NEDD9: variants seen among roughly 807,000 people sequenced by gnomAD.
NEDD9 encodes the protein enhancer of filamentation 1.
Under a neutral mutation model 76.6 loss-of-function variants are expected in NEDD9, and 26 were observed. That is an observed-to-expected ratio of 0.34 (90% CI 0.25 to 0.47). The LOEUF is 0.47. NEDD9 is among the 20% of genes least tolerant of loss of function. The pLI is 1.00. For synonymous variants in NEDD9, 392 were observed against 414.2 expected, an observed-to-expected ratio of 0.95 and a Z score of 0.65; for missense variants, 937 against 1,058.5, an observed-to-expected ratio of 0.89 and a Z score of 1.59.
intron 2 of NEDD9, among the ~76,000 whole-genome samples, chr6:11,330,262 T>C (rs2113497125): frequency 6.6e-6 from 1 of 152,294 alleles, no homozygotes; most frequent in Admixed American, 6.5e-5. Context: ...AGTTAGACAC[T>C]CCTTCTTTAG....
chr6:11,371,141 C>CA (rs1762867164), intron 1 of NEDD9, among the ~76,000 whole-genome samples: 2 of 152,134 alleles, frequency 1.3e-5, no homozygotes, highest in African/African-American at 4.8e-5. Context: ...TTTGGGTTCA[C>CA]AGCAAAATTG....
rs150622425 is a variant in NEDD9, at chr6:11,190,159, C to T, written c.1710G>A (p.Pro570=). 2.8e-5 allele frequency: 46 copies of T among 1,614,068 alleles called. No individual in the cohort carries two copies. Among genetic ancestry groups the T allele is most frequent in the African/African-American group, 5.3e-5 (4 of 74,926 alleles). Residue 570 remains proline (P), a synonymous_variant, in exon 5 of 7, where the codon CCG becomes CCA. Coordinates refer to ENST00000379446, the MANE Select transcript of NEDD9 (RefSeq NM_006403.4). The surrounding 1 kb of genome is among the most constrained non-coding windows in gnomAD (Gnocchi z 5.8). ...ACTCCGTTGAGTTCATGATGCTCTCCGGCCCATTCTTCAGATGCAAGCTGC... is the reference window on the plus strand; with the variant it reads ...ACTCCGTTGAGTTCATGATGCTCTCTGGCCCATTCTTCAGATGCAAGCTGC... The part of the protein sequence containing the change: ...GPGSLHLKNG[P]ESIMNSTEYP...
At chr6:11,201,140 C>T in intron 2 of NEDD9, 1 of 1,442,446 alleles carries the variant, frequency 6.9e-7, no homozygotes, top group Non-Finnish European at 9.7e-7. Flanking sequence ...CACTTCTTTC[C>T]TTGGGCATCC....
intron 1 of NEDD9, among the ~76,000 whole-genome samples, 171 bp downstream of exon 1, chr6:11,232,333 C>G (rs974639583): frequency 1.3e-5 from 2 of 150,352 alleles, no homozygotes; most frequent in African/African-American, 4.9e-5. Flanking sequence ...GTCTCAAAGA[C>G]CGGGTCTCTG....
At chr6:11,350,913 C>T (rs892306600) in intron 1 of NEDD9, among the ~76,000 whole-genome samples, 1 of 152,166 alleles carries the variant, frequency 6.6e-6, no homozygotes, top group Non-Finnish European at 1.5e-5. Context: ...AGTCTTTCCA[C>T]ACCTCCTTGT....
intron 3 of NEDD9, among the ~76,000 whole-genome samples, chr6:11,255,879 G>C (rs1004333138): frequency 1.3e-5 from 2 of 152,112 alleles, no homozygotes; most frequent in Non-Finnish European, 2.9e-5. Context: ...AAGGAAACTG[G>C]TTAGGAGGCT....
intron 2 of NEDD9, among the ~76,000 whole-genome samples, chr6:11,333,656 T>C (rs556034946): frequency 1.3e-5 from 2 of 152,314 alleles, no homozygotes; most frequent in African/African-American, 4.8e-5. Context: ...TGTCTCTACT[T>C]GCTCCTCTCT....
chr6:11,193,187 C>T (rs1157875877), intron 3 of NEDD9, among the ~76,000 whole-genome samples: 1 of 151,476 alleles, frequency 6.6e-6, no homozygotes, highest in Non-Finnish European at 1.5e-5. Flanking sequence ...TGCCTGTAGT[C>T]CCAGCTACTT....
intron 2 of NEDD9, chr6:11,199,357 A>C (rs538850165): frequency 6.6e-6 from 1 of 152,220 alleles, no homozygotes; most frequent in Non-Finnish European, 1.5e-5. Flanking sequence ...CTCACAAGCT[A>C]TGAGAACAAA....
Position 11,213,033 on chromosome 6 carries a change from C to A in NEDD9, c.459+248G>T, listed in dbSNP as rs1253094947. Among the ~76,000 whole-genome samples the A allele has an allele frequency of 6.6e-6, 1 of 152,124 alleles. No homozygotes were observed. Among genetic ancestry groups the A allele is most frequent in the Admixed American group, 6.5e-5 (1 of 15,270 alleles). On this transcript the variant is annotated intron_variant, in intron 2 of 6. Transcript: ENST00000379446. This position sits in a 1 kb window ranked among gnomAD's most constrained non-coding sequence, Gnocchi z 5.4. ...AGAAACAGTTTAATAACCCATGTAA[C>A]CCAGGATGACACAGGAACTTAGGAG...
intron 3 of NEDD9, among the ~76,000 whole-genome samples, chr6:11,261,243 A>G (rs78321353): frequency 0.034 from 5,104 of 152,228 alleles, 280 homozygotes; most frequent in African/African-American, 0.11. Flanking sequence ...TCAGTGTCTC[A>G]GGTGGTTTAC....
chr6:11,332,244 G>T lies in NEDD9; in HGVS notation c.-153+2257C>A, dbSNP rs1478048781. On this transcript the variant is annotated intron_variant, in intron 2 of 3. Coordinates refer to the NEDD9 transcript ENST00000397378. Reference sequence around the variant, plus strand: ...CATTACCTTCATGTTTCCATTTCAAGAACTGCCAGGTTTGTTTTCCAATGA... The same window carrying T: ...CATTACCTTCATGTTTCCATTTCAATAACTGCCAGGTTTGTTTTCCAATGA... Among the ~76,000 whole-genome samples, 3 of 152,298 alleles carry T rather than the reference G, an allele frequency of 2.0e-5. No homozygotes were observed. In the East Asian group the frequency reaches 5.8e-4, roughly 29 times the overall value.
intron 3 of NEDD9, among the ~76,000 whole-genome samples, chr6:11,248,662 G>GC (rs964745045): frequency 2.0e-5 from 3 of 152,172 alleles, no homozygotes; most frequent in African/African-American, 7.2e-5. Context: ...AGGCATCGGA[G>GC]CCTTTGGCCT....
chr6:11,208,658 C>T (rs900946400), intron 2 of NEDD9, among the ~76,000 whole-genome samples: 1 of 152,164 alleles, frequency 6.6e-6, no homozygotes. Context: ...GCTGATGGAG[C>T]TTGTAATTTA....
At chr6:11,269,169 C>T (rs1431987033) in intron 3 of NEDD9, among the ~76,000 whole-genome samples, 1 of 152,162 alleles carries the variant, frequency 6.6e-6, no homozygotes, top group East Asian at 1.9e-4. Context: ...AACTTCTGCT[C>T]CTTCAGTTCT....
chr6:11,335,585 C>T (rs540454829), intron 1 of NEDD9, among the ~76,000 whole-genome samples: 4 of 152,324 alleles, frequency 2.6e-5, no homozygotes, highest in African/African-American at 4.8e-5. Flanking sequence ...CCTGACCTCT[C>T]GCCAACCGAC....
At chr6:11,189,635 G>T (rs185765975) in intron 5 of NEDD9, among the ~76,000 whole-genome samples, 24 of 152,116 alleles carry the variant, frequency 1.6e-4, no homozygotes, top group Non-Finnish European at 2.9e-4. Context: ...TACTTGGTGA[G>T]TCTCCTCTTA....
intron 1 of NEDD9, among the ~76,000 whole-genome samples, chr6:11,350,960 C>T (rs1056019002): frequency 6.6e-5 from 10 of 152,144 alleles, no homozygotes; most frequent in African/African-American, 2.4e-4. Context: ...CAAATTTATA[C>T]ATGGTAATGT....
intron 1 of NEDD9, among the ~76,000 whole-genome samples, chr6:11,346,685 T>C (rs1762372445): frequency 6.6e-6 from 1 of 152,210 alleles, no homozygotes; most frequent in Non-Finnish European, 1.5e-5. Context: ...CTGGACTGAC[T>C]GCTGGTTGAG....
Sources: allele counts gnomAD v4.1 joint callset (sites outside exome capture counted in the v4.1 genomes callset), GRCh38; gene constraint gnomAD v4.1.1; non-coding constraint Gnocchi (gnomAD v3.1); transcripts MANE v1.5; gene names NCBI Gene and HGNC (gene_info 2026-07-23, HGNC 2026-07-21).